Variants in NECAB2 observed in about 807,000 individuals in gnomAD.
NECAB2 encodes the protein N-terminal EF-hand calcium-binding protein 2.
A neutral mutation model predicts 51.9 loss-of-function variants in NECAB2; 68 were observed. The observed-to-expected ratio is 1.31, with a 90% CI of 1.08 to 1.60. The LOEUF is 1.60. Ranked by LOEUF, NECAB2 falls within the 40% of genes most tolerant of loss-of-function variation. The pLI is 0.00. For missense variants in NECAB2, 854 were observed against 490.3 expected (o/e 1.74, Z -7.00); for synonymous variants, 329 against 203.5 (o/e 1.62, Z -5.25).
chr16:83,998,103 A>AT (rs1265646969), intron 9 of NECAB2, 102 bp from the exon 10 acceptor site: 20 of 1,006,870 alleles, frequency 2.0e-5, no homozygotes, highest in Middle Eastern at 2.1e-4. Context: ...GGGGAGGGTT[A>AT]TTTTATTTTG....
chr16:83,991,844 C>G (rs112702722), intron 6 of NECAB2, among the ~76,000 whole-genome samples: 5,127 of 129,326 alleles, frequency 0.04, 140 homozygotes, highest in Admixed American at 0.073. Flanking sequence ...TTTGTAGAGA[C>G]GGGGTCTCGC....
At position 83,996,176 on chromosome 16, in the gene NECAB2, G is replaced by C. The variant is rs533214015; in HGVS notation, c.796-1040G>C. Among the ~76,000 whole-genome samples the C allele has an allele frequency of 1.1e-3, 173 of 152,328 alleles. No homozygotes were observed. The Middle Eastern group carries it at 0.02, about 18-fold the overall frequency. On this transcript the variant is annotated intron_variant, in intron 8 of 12. Transcript: ENST00000305202. ...CTGGGAGAAGAATGGGGCAGATACA[G>C]GGGCCACAGTGCCTCTCCTCATCCT...
chr16:83,983,055 G>C lies in NECAB2; in HGVS notation c.459+1928G>C, dbSNP rs543160198. 7.9e-5 allele frequency among the ~76,000 whole-genome samples: 12 copies of C among 151,870 alleles called. 1 individual carries two copies. Among genetic ancestry groups the C allele is most frequent in the African/African-American group, 2.4e-4 (10 of 41,472 alleles). On this transcript the variant is annotated intron_variant, in intron 5 of 12. Coordinates refer to ENST00000305202, the MANE Select transcript of NECAB2 (RefSeq NM_019065.3). ...GGGTAATTTTTGTAGTTTTAGTAGAGACGGGGTTTCACCATGTTGGCCAGG... is the reference window on the plus strand; with the variant it reads ...GGGTAATTTTTGTAGTTTTAGTAGACACGGGGTTTCACCATGTTGGCCAGG...
chr16:83,995,754 G>C (rs1190394112), intron 8 of NECAB2, among the ~76,000 whole-genome samples: 2 of 152,210 alleles, frequency 1.3e-5, no homozygotes, highest in Non-Finnish European at 1.5e-5. Flanking sequence ...GAGGGAGACA[G>C]AGGCTGACGT....
intron 9 of NECAB2, 136 bp downstream of exon 9, chr16:83,997,405 T>C (rs2151099882): frequency 1.8e-6 from 2 of 1,111,048 alleles, no homozygotes; most frequent in Admixed American, 4.2e-5. Flanking sequence ...CGCCCAGCGC[T>C]TGGCACCCAG....
intron 10 of NECAB2, among the ~76,000 whole-genome samples, chr16:83,999,213 C>G (rs529326326): frequency 2.1e-4 from 32 of 152,228 alleles, no homozygotes; most frequent in African/African-American, 7.2e-4. Flanking sequence ...GGAGTGCGGC[C>G]GTTCCCGAGA....
At chr16:83,998,692 C>T (rs544837424) in intron 10 of NECAB2, among the ~76,000 whole-genome samples, 1 of 152,196 alleles carries the variant, frequency 6.6e-6, no homozygotes, top group East Asian at 1.9e-4. Context: ...ACAGGGGTTC[C>T]TGCACACTTA....
intron 5 of NECAB2, 54 bp downstream of exon 5, chr16:83,981,181 C>G (rs1302584529): frequency 1.1e-5 from 14 of 1,331,266 alleles, no homozygotes; most frequent in Non-Finnish European, 1.4e-5. Context: ...TGCTTCAGTT[C>G]CACCCTTGCC....
chr16:83,974,375 C>G (rs929307583), intron 2 of NECAB2, among the ~76,000 whole-genome samples: 1 of 152,134 alleles, frequency 6.6e-6, no homozygotes, highest in African/African-American at 2.4e-5. Context: ...TAGTTGCTCT[C>G]CTGGCTTCGC....
chr16:83,998,248 A>G lies in NECAB2; in HGVS notation c.893A>G (p.Gln298Arg), dbSNP rs1455171453. 2.5e-6 allele frequency: 4 copies of G among 1,612,846 alleles called. No individual in the cohort carries two copies. In the East Asian group the frequency reaches 6.7e-5, roughly 27 times the overall value. The part of the protein sequence containing the change: ...VRQEMAVCPE[Q>R]LSEFLDSLRQ... ...CAGGAGATGGCCGTGTGCCCCGAGC[A>G]ACTGAGCGAGTTTCTGGACTCTCTG... Residue 298 changes from glutamine to arginine, a missense_variant, in exon 10 of 13, where the codon CAA becomes CGA. By Grantham distance (43) the Gln-to-Arg change is conservative. Transcript: ENST00000305202.
intron 5 of NECAB2, among the ~76,000 whole-genome samples, chr16:83,982,939 C>G (rs7193474): frequency 0.27 from 41,306 of 151,444 alleles, 10,536 homozygotes; most frequent in African/African-American, 0.68. Flanking sequence ...TACAATGTCG[C>G]CTCACTGCAA....
In NECAB2 at chr16:83,977,611, G is replaced by A. The variant is rs572807994; in HGVS notation, c.227-833G>A. On this transcript the variant is annotated intron_variant, in intron 2 of 12. Coordinates refer to ENST00000305202, the MANE Select transcript of NECAB2 (RefSeq NM_019065.3). ...ACAGAGGAGCTGTGGAGGCCCCTCT[G>A]TGGAGCTCCACCTCAGAAGCACAGC... 2.6e-5 allele frequency among the ~76,000 whole-genome samples: 4 copies of A among 152,232 alleles called. No homozygotes were observed. In the East Asian group the frequency reaches 7.7e-4, roughly 29 times the overall value.
intron 5 of NECAB2, among the ~76,000 whole-genome samples, chr16:83,984,059 A>G (rs991989737): frequency 2.0e-5 from 3 of 147,488 alleles, no homozygotes; most frequent in African/African-American, 7.6e-5. Flanking sequence ...GCAGTGGCAC[A>G]GTCCCAGCTC....
At chr16:83,992,787 G>T (rs930495393) in intron 6 of NECAB2, among the ~76,000 whole-genome samples, 8 of 152,206 alleles carry the variant, frequency 5.3e-5, no homozygotes, top group African/African-American at 1.7e-4. Flanking sequence ...CTGGAGCCCA[G>T]AACTCTGCAC....
At chr16:83,994,160 G>A in intron 6 of NECAB2, 142 bp from the exon 7 acceptor site, 1 of 755,814 alleles carries the variant, frequency 1.3e-6, no homozygotes, top group Non-Finnish European at 2.2e-6. Flanking sequence ...TTCCTCCTCT[G>A]TCAAAACAAA....
At chr16:83,982,073 A>G (rs1476882423) in intron 5 of NECAB2, among the ~76,000 whole-genome samples, 1 of 152,174 alleles carries the variant, frequency 6.6e-6, no homozygotes, top group Non-Finnish European at 1.5e-5. Flanking sequence ...GATTGAGCCA[A>G]GTAAGGCCTC....
intron 7 of NECAB2, 36 bp downstream of exon 7, chr16:83,994,456 C>T (rs1322159581): frequency 1.2e-6 from 2 of 1,608,192 alleles, no homozygotes; most frequent in South Asian, 2.2e-5. Flanking sequence ...GGGGTACCAG[C>T]TGGGGGTCCC....
intron 6 of NECAB2, among the ~76,000 whole-genome samples, chr16:83,991,605 T>C (rs1307215257): frequency 6.6e-6 from 1 of 151,388 alleles, no homozygotes; most frequent in African/African-American, 2.4e-5. Context: ...TCCACCCGCC[T>C]CAGCCTCCAG....
intron 5 of NECAB2, among the ~76,000 whole-genome samples, chr16:83,984,934 T>A (rs1042865635): frequency 6.6e-6 from 1 of 152,224 alleles, no homozygotes; most frequent in African/African-American, 2.4e-5. Flanking sequence ...CTCCCTCTTA[T>A]AACTTTAGGT....
Sources: gnomAD v4.1 joint callset for allele counts (sites outside exome capture counted in the v4.1 genomes callset) on GRCh38, gnomAD v4.1.1 for gene constraint, MANE v1.5 for transcripts, NCBI Gene and HGNC (gene_info 2026-07-23, HGNC 2026-07-21) for gene names.